Variants in LRRC45 observed in about 807,000 individuals in gnomAD.
The protein encoded by LRRC45 is leucine-rich repeat-containing protein 45.
A neutral mutation model predicts 85.4 loss-of-function variants in LRRC45; 73 were observed. That is an observed-to-expected ratio of 0.85 (90% CI 0.71 to 1.04). The LOEUF (loss-of-function observed/expected upper bound fraction) is 1.04. Among genes scored for constraint, LRRC45 ranks in the 50% least tolerant of loss-of-function variants. The pLI, the probability that LRRC45 is intolerant of heterozygous loss-of-function variation, is 0.00. For synonymous variants in LRRC45, 429 were observed against 386.0 expected (o/e 1.11, Z -1.31); for missense variants, 937 against 883.3 (o/e 1.06, Z -0.77).
chr17:82,024,247 C>A, intron 1 of LRRC45, 31 bp from the exon 2 acceptor site: 1 of 1,608,736 alleles, frequency 6.2e-7, no homozygotes, highest in East Asian at 2.2e-5. Flanking sequence ...TCAGCAGGGG[C>A]AGAGAGTGAC....
rs764936752 is a variant in LRRC45 at position 82,030,825 on chromosome 17, G to A, written c.*20G>A. The A allele has an allele frequency of 2.9e-5, 38 of 1,329,544 alleles. 1 individual carries two copies. In the South Asian group the frequency reaches 8.9e-4, roughly 31 times the overall value. 82.4% of individuals were successfully genotyped at this position (1,329,544 alleles called of 1,614,324 possible). A position where few individuals can be genotyped will look rare whatever the true frequency, so the allele number is the denominator to read the frequency against. On this transcript the variant is annotated 3_prime_UTR_variant, in exon 17 of 17. Coordinates refer to ENST00000306688, the MANE Select transcript of LRRC45 (RefSeq NM_144999.4). ...AAGTGAGACAGGCCGGGAGGACCCG[G>A]GCGCAGTAGGAGTGCATCAGGCGGC...
At position 82,023,541 on chromosome 17, in the gene LRRC45, G is replaced by A. The variant is rs2043333104; in HGVS notation, c.-103G>A. 9.4e-7 allele frequency: 1 copy of A among 1,066,846 alleles called. No homozygotes were observed. The highest frequency in any genetic ancestry group is 1.7e-5 in the South Asian group (1 of 58,494). 66.1% of individuals were successfully genotyped at this position (1,066,846 alleles called of 1,614,324 possible). On this transcript the variant is annotated 5_prime_UTR_variant, in exon 1 of 17. Transcript: ENST00000306688. ...ATTGCTCTCCGCCCGGGTCGGCGGAGGCCCCGTCTCCTGTACCCGGCGCTG... is the reference window on the plus strand; with the variant it reads ...ATTGCTCTCCGCCCGGGTCGGCGGAAGCCCCGTCTCCTGTACCCGGCGCTG...
intron 13 of LRRC45, 93 bp from the exon 14 acceptor site, chr17:82,029,450 G>GC (rs902227024): frequency 2.6e-5 from 36 of 1,370,438 alleles, no homozygotes; most frequent in African/African-American, 1.9e-4. Flanking sequence ...GCAGAGAGGA[G>GC]CCCCCCTGGC....
chr17:82,026,935 C>A lies in LRRC45; in HGVS notation c.698C>A (p.Thr233Asn). The A allele has an allele frequency of 1.2e-6, 2 of 1,608,408 alleles. No homozygotes were observed. Among genetic ancestry groups the A allele is most frequent in the Non-Finnish European group, 1.7e-6 (2 of 1,179,030 alleles). ...AMGHSQDRLT[T>N]FQENQARTHV... Reference sequence around the variant, plus strand: ...GGCCACAGCCAGGACCGGCTCACCACCTTCCAGGAGAACCAAGCCCGCACT... The same window carrying A: ...GGCCACAGCCAGGACCGGCTCACCAACTTCCAGGAGAACCAAGCCCGCACT... Residue 233 changes from threonine to asparagine, a missense_variant, in exon 6 of 17, where the codon ACC becomes AAC. By Grantham distance (65) the Thr-to-Asn change is moderately conservative. Coordinates refer to ENST00000306688, the MANE Select transcript of LRRC45 (RefSeq NM_144999.4).
chr17:82,024,261 C>T lies in LRRC45; in HGVS notation c.221-17C>T, dbSNP rs772496011. The T allele has an allele frequency of 2.5e-6, 4 of 1,610,522 alleles. No individual in the cohort carries two copies. Among genetic ancestry groups the T allele is most frequent in the African/African-American group, 2.7e-5 (2 of 74,920 alleles). Reference sequence around the variant, plus strand: ...GTCAGCAGGGGCAGAGAGTGACCGCCGGCCCCCCTTACACAGGGGCCACAC... The same window carrying T: ...GTCAGCAGGGGCAGAGAGTGACCGCTGGCCCCCCTTACACAGGGGCCACAC... On this transcript the variant is annotated splice_polypyrimidine_tract_variant and intron_variant, in intron 1 of 16. Transcript: ENST00000306688.
chr17:82,031,002 C>T lies in LRRC45; in HGVS notation c.*197C>T, dbSNP rs1813420895. On this transcript the variant is annotated 3_prime_UTR_variant, in exon 17 of 17. Transcript: ENST00000306688. ...GCCTGGGAAGGGCTCCCTACCGGCC[C>T]CTTCTTCCCGGTCGACGCCACGTGG... The T allele has an allele frequency of 2.2e-5, 9 of 407,186 alleles. No individual in the cohort carries two copies. In the South Asian group the frequency reaches 8.0e-4, roughly 36 times the overall value. 25.2% of individuals were successfully genotyped at this position (407,186 alleles called of 1,614,324 possible). A position where few individuals can be genotyped will look rare whatever the true frequency, so the allele number is the denominator to read the frequency against.
chr17:82,030,530 G>T, intron 16 of LRRC45, 64 bp downstream of exon 16: 2 of 1,513,094 alleles, frequency 1.3e-6, no homozygotes, highest in Non-Finnish European at 1.8e-6. Flanking sequence ...AGAGAGCGGG[G>T]CTGGCCAGGT....
chr17:82,028,736 G>A (rs1319876371), intron 12 of LRRC45, 53 bp downstream of exon 12: 28 of 1,550,768 alleles, frequency 1.8e-5, no homozygotes, highest in African/African-American at 4.1e-5. Flanking sequence ...TTGGTGTCAC[G>A]CAGGTGTCCC....
chr17:82,029,753 G>A, intron 14 of LRRC45, 118 bp downstream of exon 14: 1 of 1,009,454 alleles, frequency 9.9e-7, no homozygotes, highest in Non-Finnish European at 1.5e-6. Flanking sequence ...GTTGAGGTCA[G>A]ATGAGCACAC....
intron 3 of LRRC45, 55 bp downstream of exon 3, chr17:82,024,818 C>T (rs1057074442): frequency 2.9e-5 from 45 of 1,529,764 alleles, no homozygotes; most frequent in African/African-American, 9.8e-5. Flanking sequence ...GGATTGGCCC[C>T]GAGCACATGC....
At chr17:82,025,227 C>G (rs370895778) in intron 4 of LRRC45, 49 bp downstream of exon 4, 3 of 1,548,364 alleles carry the variant, frequency 1.9e-6, no homozygotes, top group Non-Finnish European at 2.6e-6. Flanking sequence ...CTGAGGCTGC[C>G]TCTGCTCTGG....
In LRRC45 at chr17:82,028,674, C is replaced by A; in HGVS notation, c.1299C>A (p.Arg433=). ...GCCTGGAGGACTCCGAAAGCCTGCG[C>A]ATCAAGGAGGTGCCCTCTTCGTTGG... is the stretch of plus-strand genomic sequence containing the variant. The part of the protein sequence containing the change: ...RQSLEDSESL[R]IKEVEHMTRH... Residue 433 remains arginine, a synonymous_variant, in exon 12 of 17, where the codon CGC becomes CGA. Transcript: ENST00000306688. The A allele has an allele frequency of 6.2e-7, 1 of 1,612,508 alleles. No individual in the cohort carries two copies. The highest frequency in any genetic ancestry group is 1.3e-5 in the African/African-American group (1 of 75,032).
At chr17:82,029,491 G>A in intron 13 of LRRC45, 52 bp from the exon 14 acceptor site, 2 of 1,524,852 alleles carry the variant, frequency 1.3e-6, no homozygotes, top group Admixed American at 3.9e-5. Context: ...AGAGAGAGAA[G>A]GGCCCTGGGC....
In LRRC45 at chr17:82,028,015, C is replaced by A; in HGVS notation, c.916C>A (p.Gln306Lys). The A allele has an allele frequency of 6.2e-7, 1 of 1,601,712 alleles. No individual in the cohort carries two copies. The change falls in exon 9 of 17, where the codon CAG becomes AAG. Residue 306 changes from glutamine (Q) to lysine (K), a missense_variant. Coordinates refer to ENST00000306688, the MANE Select transcript of LRRC45 (RefSeq NM_144999.4). ...SIINALKAKL[Q>K]MTEAALALSE... ...TGCTGCCCCTCCTTTCTGCAGGCTG[C>A]AGATGACAGAGGCCGCCCTGGCTCT...
In LRRC45 at chr17:82,028,695, G is replaced by C. The variant is rs574296601; in HGVS notation, c.1308+12G>C. On this transcript the variant is annotated intron_variant, in intron 12 of 16. Transcript: ENST00000306688. Reference sequence around the variant, plus strand: ...TGCGCATCAAGGAGGTGCCCTCTTCGTTGGCCTCTAATGCGCCTCAGTCTC... The same window carrying C: ...TGCGCATCAAGGAGGTGCCCTCTTCCTTGGCCTCTAATGCGCCTCAGTCTC... 1 of 1,608,294 alleles carries C rather than the reference G, an allele frequency of 6.2e-7. No homozygotes were observed. Among genetic ancestry groups the C allele is most frequent in the Admixed American group, 1.7e-5 (1 of 59,500 alleles).
At chr17:82,023,985 G>T in intron 1 of LRRC45, 122 bp downstream of exon 1, 1 of 970,750 alleles carries the variant, frequency 1.0e-6, no homozygotes. Context: ...AAGCGAGCAG[G>T]GGCGCCCCTT....
In LRRC45 at chr17:82,025,131, A is replaced by G. The variant is rs2043356925; in HGVS notation, c.485A>G (p.Glu162Gly). Reference sequence around the variant, plus strand: ...AACCAGATCAGTCACAAGGGCGCGGAGGAGCTGGCCCTAGCCCTGAAGGGC... The same window carrying G: ...AACCAGATCAGTCACAAGGGCGCGGGGGAGCTGGCCCTAGCCCTGAAGGGC... ...RNNQISHKGA[E>G]ELALALKGNT... Residue 162 changes from glutamate to glycine, a missense_variant, in exon 4 of 17, where the codon GAG (glutamate) becomes GGG (glycine). Transcript: ENST00000306688. 4 of 1,610,772 alleles carry G rather than the reference A, an allele frequency of 2.5e-6. No individual in the cohort carries two copies. The African/African-American group carries it at 5.3e-5, about 22-fold the overall frequency.
rs1158314796 is a variant in LRRC45 at position 82,027,710 on chromosome 17, C to T, written c.870C>T (p.Ala290=). 1.2e-6 allele frequency: 2 copies of T among 1,610,932 alleles called. No individual in the cohort carries two copies. Among genetic ancestry groups the T allele is most frequent in the African/African-American group, 2.7e-5 (2 of 74,898 alleles). Reference sequence around the variant, plus strand: ...CCCGTGTAGGGCAGCTTCAGGAAGCCCTGAATGAGAGGCACTCCATCATCA... The same window carrying T: ...CCCGTGTAGGGCAGCTTCAGGAAGCTCTGAATGAGAGGCACTCCATCATCA... ...SAARVGQLQE[A]LNERHSIINA... Residue 290 remains alanine (A), a synonymous_variant, in exon 8 of 17, where the codon GCC becomes GCT. Transcript: ENST00000306688.
rs1385012744 is a variant in LRRC45 at position 82,030,367 on chromosome 17, C to T, written c.1717C>T (p.Arg573Cys). The T allele has an allele frequency of 5.2e-6, 8 of 1,549,862 alleles. No individual in the cohort carries two copies. The South Asian group carries it at 8.3e-5, about 16-fold the overall frequency. Residue 573 changes from arginine (R) to cysteine (C), a missense_variant, in exon 16 of 17, where the codon CGC becomes TGC. Arg to Cys is a radical substitution (Grantham distance 180). Transcript: ENST00000306688. Reference sequence around the variant, plus strand: ...AAGGGTGGCCGAGGTGAGCAGGGTGCGCGTGGAGCTGCAGGAGCAGAACGG... The same window carrying T: ...AAGGGTGGCCGAGGTGAGCAGGGTGTGCGTGGAGCTGCAGGAGCAGAACGG... ...QERVAEVSRV[R>C]VELQEQNGRL...
Sources: allele counts gnomAD v4.1 joint callset, GRCh38; gene constraint gnomAD v4.1.1; transcripts MANE v1.5; gene names NCBI Gene and HGNC (gene_info 2026-07-23, HGNC 2026-07-21).